Variants in ELF1 observed in about 807,000 individuals in gnomAD.
ELF1 encodes the protein ETS-related transcription factor Elf-1.
In ELF1, 24 loss-of-function variants were observed where a neutral mutation model predicts 59.9. The ratio of observed to expected loss-of-function variants is 0.40; its 90% CI spans 0.29 to 0.56. The LOEUF (loss-of-function observed/expected upper bound fraction) is 0.56. ELF1 is among the 20% of genes least tolerant of loss of function. The probability of loss-of-function intolerance (pLI) is 0.44; values close to 1 mark genes in which losing one functional copy is unlikely to be tolerated. For synonymous variants in ELF1, 248 were observed against 266.2 expected (o/e 0.93, Z 0.67); for missense variants, 627 against 742.2 (o/e 0.84, Z 1.80).
At chr13:40,959,915 A>G (rs1342742528) in intron 2 of ELF1, among the ~76,000 whole-genome samples, 2 of 152,202 alleles carry the variant, frequency 1.3e-5, no homozygotes, top group Non-Finnish European at 2.9e-5. Context: ...ATTAGCGGCA[A>G]ACCTCATTAA....
intron 2 of ELF1, among the ~76,000 whole-genome samples, chr13:40,978,632 C>T (rs903481066): frequency 5.3e-5 from 8 of 151,866 alleles, no homozygotes; most frequent in African/African-American, 1.9e-4. Flanking sequence ...GACCATAATA[C>T]TTAAAAAATT....
In ELF1 at chr13:40,949,974, C is replaced by A. The variant is rs1870750444; in HGVS notation, c.362-1G>T. 6.2e-7 allele frequency: 1 copy of A among 1,600,658 alleles called. No homozygotes were observed. Among genetic ancestry groups the A allele is most frequent in the Non-Finnish European group, 8.5e-7 (1 of 1,174,292 alleles). ...TCAGGTGAACTAAATATATTATTAT[C>A]TAATGAAAATAAAATCAACTAATTA... On this transcript the variant is annotated splice_acceptor_variant, in intron 4 of 8. Coordinates refer to ENST00000239882, the MANE Select transcript of ELF1 (RefSeq NM_172373.4). LOFTEE classifies it high-confidence loss of function.
intron 7 of ELF1, among the ~76,000 whole-genome samples, chr13:40,941,795 C>T (rs1870189533): frequency 6.6e-6 from 1 of 152,108 alleles, no homozygotes; most frequent in East Asian, 1.9e-4. Context: ...GTAGCTGGGA[C>T]CACAGGCGCA....
chr13:41,001,997 C>A (rs898196606), intron 1 of ELF1, among the ~76,000 whole-genome samples: 1 of 152,020 alleles, frequency 6.6e-6, no homozygotes, highest in Admixed American at 6.6e-5. Flanking sequence ...CAACTGGACA[C>A]AGAGAATGTG....
chr13:40,945,017 T>C (rs899861691), intron 5 of ELF1, among the ~76,000 whole-genome samples: 3 of 152,162 alleles, frequency 2.0e-5, no homozygotes, highest in African/African-American at 7.2e-5. Context: ...GACTGCCAAA[T>C]GTATGCTAGT....
chr13:40,933,180 A>C lies in ELF1; in HGVS notation c.*245T>G. ...CTTATGATATAGCAACTGAAATAAA[A>C]ATCTCAAAAGAATGTCTTCATAGTG... is the stretch of plus-strand genomic sequence containing the variant. On this transcript the variant is annotated 3_prime_UTR_variant, in exon 9 of 9. Coordinates refer to ENST00000239882, the MANE Select transcript of ELF1 (RefSeq NM_172373.4). 2.3e-6 allele frequency: 1 copy of C among 434,250 alleles called. No individual in the cohort carries two copies. The highest frequency in any genetic ancestry group is 5.6e-5 in the South Asian group (1 of 17,828). 26.9% of individuals were successfully genotyped at this position (434,250 alleles called of 1,614,324 possible). A position where few individuals can be genotyped will look rare whatever the true frequency, so the allele number is the denominator to read the frequency against.
intron 3 of ELF1, among the ~76,000 whole-genome samples, chr13:40,954,463 C>T (rs972178366): frequency 5.3e-5 from 8 of 151,710 alleles, no homozygotes; most frequent in Admixed American, 5.2e-4. Context: ...CGGTCTCCCT[C>T]TCCCTCTCTT....
intron 2 of ELF1, among the ~76,000 whole-genome samples, chr13:40,971,216 A>C (rs1334723421): frequency 1.3e-5 from 2 of 152,316 alleles, no homozygotes; most frequent in South Asian, 4.1e-4. Flanking sequence ...GTTATCTTCT[A>C]AATGATCACT....
chr13:41,017,319 C>G (rs2064778171), intron 1 of ELF1, among the ~76,000 whole-genome samples: 1 of 152,022 alleles, frequency 6.6e-6, no homozygotes, highest in Admixed American at 6.6e-5. Flanking sequence ...ACAAGCAGTT[C>G]CAGACTGCGA....
At position 40,995,860 on chromosome 13, in the gene ELF1, A is replaced by G. The variant is rs570537461; in HGVS notation, c.-228-13578T>C. On this transcript the variant is annotated intron_variant, in intron 1 of 8. Transcript: ENST00000239882. Reference sequence around the variant, plus strand: ...GCAGGATTTATCAAAGGAAGAATTGATAAGCTGGACTTCATTAAAATTAAA... The same window carrying G: ...GCAGGATTTATCAAAGGAAGAATTGGTAAGCTGGACTTCATTAAAATTAAA... Among the ~76,000 whole-genome samples, 25 of 152,312 alleles carry G rather than the reference A, an allele frequency of 1.6e-4. 1 individual carries two copies. In the South Asian group the frequency reaches 5.2e-3, roughly 32 times the overall value.
intron 2 of ELF1, among the ~76,000 whole-genome samples, chr13:40,969,398 G>T (rs1008232390): frequency 6.6e-6 from 1 of 152,124 alleles, no homozygotes; most frequent in Non-Finnish European, 1.5e-5. Context: ...TGGGTAACAT[G>T]CATTCCTTCA....
chr13:40,986,937 C>CTCTCTTT (rs552477115), intron 1 of ELF1, among the ~76,000 whole-genome samples: 1 of 126,880 alleles, frequency 7.9e-6, no homozygotes, highest in African/African-American at 3.1e-5. Context: ...AATCATTGCT[C>CTCTCTTT]TTTTTTTTTT....
chr13:41,060,883 A>G (rs985850175), exon 1 of ELF1: 5 of 339,686 alleles, frequency 1.5e-5, no homozygotes, highest in South Asian at 4.5e-5. Context: ...ACCTCTCGCC[A>G]CCGCCGCCTC....
chr13:41,043,218 G>A (rs571391614), intron 1 of ELF1, among the ~76,000 whole-genome samples: 1 of 152,284 alleles, frequency 6.6e-6, no homozygotes, highest in South Asian at 2.1e-4. Context: ...TTTGTCAGAT[G>A]AGTAGATTGC....
chr13:41,030,296 G>C lies in ELF1; in HGVS notation c.-229+30542C>G, dbSNP rs188346959. ...CTGATGGCAGATCAAGTTAGATAAG[G>C]TCTGAGAAAAAAATGACAGTTGAAT... On this transcript the variant is annotated intron_variant, in intron 1 of 1. Transcript: ENST00000405737. 2.7e-3 allele frequency among the ~76,000 whole-genome samples: 414 copies of C among 152,178 alleles called. 2 individuals carry two copies. Among genetic ancestry groups the C allele is most frequent in the African/African-American group, 9.5e-3 (395 of 41,530 alleles).
chr13:40,956,380 C>A (rs929169893), intron 3 of ELF1, among the ~76,000 whole-genome samples: 1 of 151,922 alleles, frequency 6.6e-6, no homozygotes, highest in African/African-American at 2.4e-5. Context: ...GCAGCATGCT[C>A]GTTAAGAGTC....
intron 1 of ELF1, among the ~76,000 whole-genome samples, chr13:40,984,287 G>C (rs1873441244): frequency 6.6e-6 from 1 of 152,170 alleles, no homozygotes; most frequent in African/African-American, 2.4e-5. Flanking sequence ...TATCAGGCCA[G>C]GCATGGTGGC....
intron 2 of ELF1, among the ~76,000 whole-genome samples, chr13:40,969,796 C>G (rs1203381014): frequency 2.0e-5 from 3 of 152,154 alleles, no homozygotes; most frequent in Non-Finnish European, 2.9e-5. Flanking sequence ...GCCTCTACCT[C>G]CTAGGCTTGA....
intron 1 of ELF1, among the ~76,000 whole-genome samples, chr13:41,031,492 G>C (rs1172584811): frequency 1.3e-5 from 2 of 152,056 alleles, no homozygotes; most frequent in African/African-American, 2.4e-5. Flanking sequence ...CTACAGAACT[G>C]AGAACAAAAA....
Sources: gnomAD v4.1 joint callset for allele counts (sites outside exome capture counted in the v4.1 genomes callset) on GRCh38, gnomAD v4.1.1 for gene constraint, MANE v1.5 for transcripts, NCBI Gene and HGNC (gene_info 2026-07-23, HGNC 2026-07-21) for gene names.